The following SLC24A2 variants were observed in gnomAD, a reference collection of about 807,000 sequenced individuals.
The protein encoded by SLC24A2 is solute carrier family 24 member 2.
In SLC24A2, 36 loss-of-function variants were observed where a neutral mutation model predicts 62.0. The observed-to-expected ratio is 0.58, with a 90% CI of 0.44 to 0.77. The LOEUF (loss-of-function observed/expected upper bound fraction) is 0.77, where lower values mean the gene tolerates loss of function less well. Among genes scored for constraint, SLC24A2 ranks in the 30% least tolerant of loss-of-function variants. The pLI, the probability that SLC24A2 is intolerant of heterozygous loss-of-function variation, is 0.00. For missense variants in SLC24A2, 846 were observed against 817.9 expected (o/e 1.03, Z -0.42); for synonymous variants, 358 against 294.0 (o/e 1.22, Z -2.23).
chr9:19,765,954 T>C (rs1470729695), intron 2 of SLC24A2, among the ~76,000 whole-genome samples: 1 of 152,236 alleles, frequency 6.6e-6, no homozygotes, highest in East Asian at 1.9e-4. Context: ...GGTTTGTTTT[T>C]TTCACATAGT....
At chr9:19,979,635 T>C in the SLC24A2 span, among the ~76,000 whole-genome samples, 2 of 152,182 alleles carry the variant, frequency 1.3e-5, no homozygotes, top group African/African-American at 2.4e-5. Flanking sequence ...CAAATGGCCT[T>C]GCTCTCTTAC....
At chr9:20,237,741 G>T in the SLC24A2 span, among the ~76,000 whole-genome samples, 384 of 152,188 alleles carry the variant, frequency 2.5e-3, 1 homozygote, top group African/African-American at 8.7e-3. Context: ...TAAAGTGCAG[G>T]GGGATAATTC....
chr9:20,066,526 T>C, the SLC24A2 span, among the ~76,000 whole-genome samples: 1 of 152,242 alleles, frequency 6.6e-6, no homozygotes, highest in Non-Finnish European at 1.5e-5. Flanking sequence ...TCACTCTGTG[T>C]CTATATCCAT....
At chr9:20,000,520 G>A in the SLC24A2 span, among the ~76,000 whole-genome samples, 1 of 152,138 alleles carries the variant, frequency 6.6e-6, no homozygotes, top group African/African-American at 2.4e-5. Context: ...GGAGGACAAG[G>A]GAGAAACATC....
rs980610374 is a variant in SLC24A2, at chr9:19,508,920, C to T, written c.*7233G>A. 7.2e-5 allele frequency: 11 copies of T among 152,032 alleles called. No individual in the cohort carries two copies. The highest frequency in any genetic ancestry group is 8.8e-5 in the Non-Finnish European group (6 of 67,996). The allele number at this position is 152,032 out of a possible 1,614,324, so 9.4% of individuals were successfully genotyped here. ...CTAGGTTAGAAATTGTGTATTTTAG[C>T]GGAGAGGAGGAAAATAACCACCAAA... On this transcript the variant is annotated 3_prime_UTR_variant, in exon 11 of 11. Transcript: ENST00000341998.
intron 9 of SLC24A2, among the ~76,000 whole-genome samples, chr9:19,521,872 T>TC (rs200371993): frequency 4.7e-5 from 7 of 150,476 alleles, no homozygotes; most frequent in South Asian, 2.1e-4. Context: ...TTCTTTTTTT[T>TC]TCTTTTTTTT....
chr9:19,679,679 G>A (rs1819658391), intron 2 of SLC24A2, among the ~76,000 whole-genome samples: 1 of 152,164 alleles, frequency 6.6e-6, no homozygotes, highest in African/African-American at 2.4e-5. Context: ...GTCTTCTCCT[G>A]CCATTGGTCA....
At chr9:19,796,467 G>A in the SLC24A2 span, among the ~76,000 whole-genome samples, 1 of 152,094 alleles carries the variant, frequency 6.6e-6, no homozygotes. Context: ...TCTTCTTTGT[G>A]TTAAAAACCC....
the SLC24A2 span, among the ~76,000 whole-genome samples, chr9:19,840,549 C>T: frequency 6.6e-6 from 1 of 151,714 alleles, no homozygotes; most frequent in Non-Finnish European, 1.5e-5. Flanking sequence ...GTTTAATGAA[C>T]AGATATTCAT....
At chr9:19,760,580 T>C (rs1315029610) in intron 2 of SLC24A2, among the ~76,000 whole-genome samples, 2 of 151,878 alleles carry the variant, frequency 1.3e-5, no homozygotes, top group Non-Finnish European at 2.9e-5. Flanking sequence ...TATGTTCTCA[T>C]TGTTCAACTC....
At chr9:19,562,672 G>A (rs1459477265) in intron 7 of SLC24A2, among the ~76,000 whole-genome samples, 3 of 152,134 alleles carry the variant, frequency 2.0e-5, no homozygotes, top group Non-Finnish European at 2.9e-5. Context: ...TTCAGAAAAT[G>A]GAACCCATGT....
chr9:20,275,200 G>C, the SLC24A2 span, among the ~76,000 whole-genome samples: 1 of 152,118 alleles, frequency 6.6e-6, no homozygotes, highest in Non-Finnish European at 1.5e-5. Flanking sequence ...AGCTCAGTTA[G>C]GGGTTACGGC....
the SLC24A2 span, among the ~76,000 whole-genome samples, chr9:19,819,862 C>T: frequency 6.6e-6 from 1 of 151,186 alleles, no homozygotes; most frequent in Non-Finnish European, 1.5e-5. Context: ...GGATATCTAC[C>T]CAGAGGAAAA....
chr9:20,005,448 G>A, the SLC24A2 span, among the ~76,000 whole-genome samples: 1 of 152,128 alleles, frequency 6.6e-6, no homozygotes, highest in Non-Finnish European at 1.5e-5. Context: ...CTAAGGAATA[G>A]ACGCTGATAT....
the SLC24A2 span, among the ~76,000 whole-genome samples, chr9:19,961,050 G>GTGTGTT: frequency 2.3e-3 from 350 of 150,102 alleles, 3 homozygotes; most frequent in African/African-American, 7.2e-3. Context: ...GTGTGTGTGT[G>GTGTGTT]TGAGTGAGAG....
At chr9:19,542,973 C>G (rs1834351619) in intron 8 of SLC24A2, among the ~76,000 whole-genome samples, 1 of 152,270 alleles carries the variant, frequency 6.6e-6, no homozygotes, top group African/African-American at 2.4e-5. Context: ...GGAGGATCCC[C>G]TCTTTTTCTA....
the SLC24A2 span, among the ~76,000 whole-genome samples, chr9:19,905,306 C>T: frequency 6.6e-6 from 1 of 152,122 alleles, no homozygotes; most frequent in Non-Finnish European, 1.5e-5. Flanking sequence ...CTGTAAATAG[C>T]TATATTAATA....
In SLC24A2 at chr9:19,707,810, C is replaced by A. The variant is rs539603449; in HGVS notation, c.930+78127G>T. Among the ~76,000 whole-genome samples, 122 of 152,218 alleles carry A rather than the reference C, an allele frequency of 8.0e-4. No homozygotes were observed. The East Asian group carries it at 0.016, about 20-fold the overall frequency. On this transcript the variant is annotated intron_variant, in intron 2 of 10. Coordinates refer to ENST00000341998, the MANE Select transcript of SLC24A2 (RefSeq NM_020344.4). ...CACAGCCAATATCATACTGAATGGG[C>A]AAAAACTGGAAGCATTCCCTTTGAA...
At chr9:20,059,668 T>C in the SLC24A2 span, among the ~76,000 whole-genome samples, 1 of 152,098 alleles carries the variant, frequency 6.6e-6, no homozygotes, top group African/African-American at 2.4e-5. Context: ...GTTAAATTTA[T>C]AACAAGCTGT....
Sources: gnomAD v4.1 joint callset for allele counts (sites outside exome capture counted in the v4.1 genomes callset) on GRCh38, gnomAD v4.1.1 for gene constraint, MANE v1.5 for transcripts, NCBI Gene and HGNC (gene_info 2026-07-23, HGNC 2026-07-21) for gene names.